TPSD1: variants seen among roughly 807,000 people sequenced by gnomAD.
The protein encoded by TPSD1 is tryptase delta.
Under a neutral mutation model 25.4 loss-of-function variants are expected in TPSD1, and 30 were observed. That is an observed-to-expected ratio of 1.18 (90% CI 0.88 to 1.60). TPSD1 has a LOEUF of 1.60. Ranked by LOEUF, TPSD1 falls within the 40% of genes most tolerant of loss-of-function variation. TPSD1 has a pLI of 0.00. For synonymous variants in TPSD1, 176 were observed against 149.4 expected, an observed-to-expected ratio of 1.18 and a Z score of -1.30; for missense variants, 420 against 324.2, an observed-to-expected ratio of 1.30 and a Z score of -2.27.
In TPSD1 at chr16:1,256,289, C is replaced by T; in HGVS notation, c.9C>T (p.Leu3=). 6.2e-7 allele frequency: 1 copy of T among 1,613,636 alleles called. No homozygotes were observed. Among genetic ancestry groups the T allele is most frequent in the Non-Finnish European group, 8.5e-7 (1 of 1,179,758 alleles). The change falls in exon 1 of 5, where the codon CTC becomes CTT. Residue 3 remains leucine, a synonymous_variant. Coordinates refer to ENST00000211076, the MANE Select transcript of TPSD1 (RefSeq NM_012217.3). The part of the protein sequence containing the change: ML[L]LAPQMLSLLL... ...GCCCGGCCAGGCCCACGATGCTCCT[C>T]CTTGCTCCCCAGATGCTGAGCCTGC...
chr16:1,257,217 T>C (rs1596500967), intron 3 of TPSD1, 155 bp downstream of exon 3: 3 of 1,106,264 alleles, frequency 2.7e-6, no homozygotes, highest in African/African-American at 3.1e-5. Flanking sequence ...AGGCAGCAGG[T>C]GCCCTGAGCA....
intron 3 of TPSD1, chr16:1,257,394 GGAGA>G (rs1199306214): frequency 4.7e-6 from 2 of 427,426 alleles, no homozygotes; most frequent in East Asian, 8.3e-5. Context: ...CTTGCTGGAA[GGAGA>G]GAGACCGGTG....
rs1158257856 is a variant in TPSD1 at position 1,258,098 on chromosome 16, T to C, written c.560T>C (p.Val187Ala). 2 of 1,600,962 alleles carry C rather than the reference T, an allele frequency of 1.2e-6. No individual in the cohort carries two copies. The highest frequency in any genetic ancestry group is 1.7e-5 in the Admixed American group (1 of 58,198). Reference sequence around the variant, plus strand: ...CCATACCCGCTGAAGGAGGTGGAAGTCCCCGTAGTGGAAAACCACCTTTGC... The same window carrying C: ...CCATACCCGCTGAAGGAGGTGGAAGCCCCCGTAGTGGAAAACCACCTTTGC... ...PPPYPLKEVE[V>A]PVVENHLCNA... Residue 187 changes from valine (V) to alanine (A), a missense_variant, in exon 4 of 5, where the codon GTC (valine) becomes GCC (alanine). Physicochemically the swap from Val to Ala is moderately conservative, Grantham distance 64. Transcript: ENST00000211076.
At chr16:1,256,449 C>A (rs1327430025) in intron 1 of TPSD1, 67 bp from the exon 2 acceptor site, 1 of 1,609,002 alleles carries the variant, frequency 6.2e-7, no homozygotes, top group African/African-American at 1.3e-5. Context: ...GGGCTGGCCC[C>A]CACACAGGGA....
chr16:1,257,087 C>G, intron 3 of TPSD1, 25 bp downstream of exon 3: 3 of 1,572,722 alleles, frequency 1.9e-6, no homozygotes, highest in Non-Finnish European at 2.6e-6. Flanking sequence ...CAGCGGGAGG[C>G]CGGGCCAGGT....
At position 1,256,334 on chromosome 16, in the gene TPSD1, C is replaced by T; in HGVS notation, c.54C>T (p.Val18=). 3 of 1,613,414 alleles carry T rather than the reference C, an allele frequency of 1.9e-6. No homozygotes were observed. Among genetic ancestry groups the T allele is most frequent in the Middle Eastern group, 1.7e-4 (1 of 5,968 alleles). Residue 18 remains valine (V), a synonymous_variant, in exon 1 of 5, where the codon GTC becomes GTT. Coordinates refer to ENST00000211076, the MANE Select transcript of TPSD1 (RefSeq NM_012217.3). ...MLSLLLLALP[V]LASPAYVAPA... The stretch of plus-strand genomic sequence containing the variant: ...GCCTGCTGCTGCTGGCGCTGCCCGT[C>T]CTGGCGAGCCCGGCCTACGTGGCCC...
At position 1,258,331 on chromosome 16, in the gene TPSD1, G is replaced by A. The variant is rs1238677469; in HGVS notation, c.685-1G>A. 1 of 1,605,240 alleles carries A rather than the reference G, an allele frequency of 6.2e-7. No individual in the cohort carries two copies. The highest frequency in any genetic ancestry group is 1.7e-5 in the Admixed American group (1 of 59,586). ...CGAGCACTGACCTCTGACCTTCCCAGGGTGACTCTGGAGGGCCCCTGGTCT... is the reference window on the plus strand; with the variant it reads ...CGAGCACTGACCTCTGACCTTCCCAAGGTGACTCTGGAGGGCCCCTGGTCT... On this transcript the variant is annotated splice_acceptor_variant, in intron 4 of 4. Coordinates refer to ENST00000211076, the MANE Select transcript of TPSD1 (RefSeq NM_012217.3). LOFTEE classifies it high-confidence loss of function.
At chr16:1,256,720 G>C (rs370883736) in intron 2 of TPSD1, 33 bp downstream of exon 2, 2 of 1,611,546 alleles carry the variant, frequency 1.2e-6, no homozygotes, top group African/African-American at 2.7e-5. Flanking sequence ...GGGTGGGCAA[G>C]GGCTGGATGT....
At position 1,256,900 on chromosome 16, in the gene TPSD1, T is replaced by C; in HGVS notation, c.358T>C (p.Phe120Leu). 6.2e-7 allele frequency: 1 copy of C among 1,613,940 alleles called. No homozygotes were observed. Among genetic ancestry groups the C allele is most frequent in the Non-Finnish European group, 8.5e-7 (1 of 1,180,030 alleles). The change falls in exon 3 of 5, where the codon TTC (phenylalanine) becomes CTC (leucine). Residue 120 changes from phenylalanine to leucine, a missense_variant. Transcript: ENST00000211076. ...PVSRIIVHPQ[F>L]YIIQTGADIA... ...CAGCAGGATCATCGTGCACCCACAG[T>C]TCTACATCATCCAGACCGGGGCGGA...
intron 2 of TPSD1, 23 bp from the exon 3 acceptor site, chr16:1,256,774 G>C (rs1253795792): frequency 3.1e-6 from 5 of 1,612,040 alleles, no homozygotes; most frequent in Middle Eastern, 2.0e-4. Context: ...CCAGGGCCCT[G>C]AGTGGGATCC....
intron 2 of TPSD1, 47 bp from the exon 3 acceptor site, chr16:1,256,750 C>T (rs764789559): frequency 4.3e-6 from 7 of 1,612,014 alleles, no homozygotes; most frequent in Non-Finnish European, 5.9e-6. Flanking sequence ...CTCCCGGGTG[C>T]TCCTGGGGGC....
At position 1,257,032 on chromosome 16, in the gene TPSD1, G is replaced by T. The variant is rs779353467; in HGVS notation, c.490G>T (p.Val164Phe). Residue 164 changes from valine (V) to phenylalanine (F), a missense_variant, in exon 3 of 5, where the codon GTC becomes TTC. Coordinates refer to ENST00000211076, the MANE Select transcript of TPSD1 (RefSeq NM_012217.3). ...ETFPPGMPCW[V>F]TGWGDVDNNV... Reference sequence around the variant, plus strand: ...CTTCCCCCCGGGGATGCCGTGCTGGGTCACTGGCTGGGGCGACGTGGACAA... The same window carrying T: ...CTTCCCCCCGGGGATGCCGTGCTGGTTCACTGGCTGGGGCGACGTGGACAA... 9.3e-6 allele frequency: 15 copies of T among 1,612,654 alleles called. No homozygotes were observed. In the East Asian group the frequency reaches 3.3e-4, roughly 36 times the overall value.
In TPSD1 at chr16:1,256,922, C is replaced by A. The variant is rs143993373; in HGVS notation, c.380C>A (p.Ala127Glu). The change falls in exon 3 of 5, where the codon GCG becomes GAG. Residue 127 changes from alanine to glutamate, a missense_variant. By Grantham distance (107) the Ala-to-Glu change is moderately radical. Coordinates refer to ENST00000211076, the MANE Select transcript of TPSD1 (RefSeq NM_012217.3). The part of the protein sequence containing the change: ...HPQFYIIQTG[A>E]DIALLELEEP... ...CAGTTCTACATCATCCAGACCGGGG[C>A]GGACATCGCCCTGCTGGAGCTGGAG... is the stretch of plus-strand genomic sequence containing the variant. 6.2e-7 allele frequency: 1 copy of A among 1,612,292 alleles called. No individual in the cohort carries two copies.
At chr16:1,257,197 C>T (rs1382486473) in intron 3 of TPSD1, 135 bp downstream of exon 3, 6 of 1,280,292 alleles carry the variant, frequency 4.7e-6, no homozygotes, top group South Asian at 4.5e-5. Flanking sequence ...ATGGAGCAGG[C>T]GGTGGCGAGA....
chr16:1,256,770 C>A (rs763647279), intron 2 of TPSD1, 27 bp from the exon 3 acceptor site: 1 of 1,612,126 alleles, frequency 6.2e-7, no homozygotes, highest in Non-Finnish European at 8.5e-7. Flanking sequence ...CTGCCCAGGG[C>A]CCTGAGTGGG....
rs1173371027 is a variant in TPSD1 at position 1,256,510 on chromosome 16, C to T, written c.83-6C>T. ...CTTCTTGGTCCTGACCTGGCACCTG[C>T]CCCAGCCCCAGGCCAGGCCCTGCAG... On this transcript the variant is annotated splice_polypyrimidine_tract_variant and splice_region_variant and intron_variant, in intron 1 of 4. Coordinates refer to ENST00000211076, the MANE Select transcript of TPSD1 (RefSeq NM_012217.3). The T allele has an allele frequency of 1.1e-5, 17 of 1,607,300 alleles. No individual in the cohort carries two copies. The highest frequency in any genetic ancestry group is 1.4e-5 in the Non-Finnish European group (16 of 1,177,824).
Position 1,258,380 on chromosome 16 carries a change from C to T in TPSD1, c.*4C>T. The T allele has an allele frequency of 1.2e-6, 2 of 1,610,882 alleles. No individual in the cohort carries two copies. Among genetic ancestry groups the T allele is most frequent in the Non-Finnish European group, 1.7e-6 (2 of 1,179,900 alleles). Reference sequence around the variant, plus strand: ...CTGCAAGGTGAATGGCACCTAACTGCAGGCGGGCGTGGTCAGCTGGGAGGA... The same window carrying T: ...CTGCAAGGTGAATGGCACCTAACTGTAGGCGGGCGTGGTCAGCTGGGAGGA... On this transcript the variant is annotated 3_prime_UTR_variant, in exon 5 of 5. Transcript: ENST00000211076.
In TPSD1 at chr16:1,256,623, C is replaced by A. The variant is rs200540687; in HGVS notation, c.190C>A (p.His64Asn). 63 of 1,613,044 alleles carry A rather than the reference C, an allele frequency of 3.9e-5. No homozygotes were observed. The Admixed American group carries it at 5.2e-4, about 13-fold the overall frequency. The part of the protein sequence containing the change: ...SLRVRGPYWM[H>N]FCGGSLIHPQ... Reference sequence around the variant, plus strand: ...GAGAGTCCGCGGCCCATACTGGATGCACTTCTGCGGGGGCTCCCTCATCCA... The same window carrying A: ...GAGAGTCCGCGGCCCATACTGGATGAACTTCTGCGGGGGCTCCCTCATCCA... Residue 64 changes from histidine (H) to asparagine (N), a missense_variant, in exon 2 of 5, where the codon CAC becomes AAC. Transcript: ENST00000211076.
Position 1,256,828 on chromosome 16 carries a change from C to A in TPSD1, c.286C>A (p.Gln96Lys). 1 of 1,612,810 alleles carries A rather than the reference C, an allele frequency of 6.2e-7. No individual in the cohort carries two copies. The highest frequency in any genetic ancestry group is 8.5e-7 in the Non-Finnish European group (1 of 1,179,944). The part of the protein sequence containing the change: ...DIKDLAALRV[Q>K]LREQHLYYQD... ...CAAGGATCTGGCCGCCCTCAGGGTGCAACTGCGGGAGCAGCACCTCTACTA... is the reference window on the plus strand; with the variant it reads ...CAAGGATCTGGCCGCCCTCAGGGTGAAACTGCGGGAGCAGCACCTCTACTA... Residue 96 changes from glutamine (Q) to lysine (K), a missense_variant, in exon 3 of 5, where the codon CAA becomes AAA. Transcript: ENST00000211076.
Sources: gnomAD v4.1 joint callset for allele counts on GRCh38, gnomAD v4.1.1 for gene constraint, MANE v1.5 for transcripts, NCBI Gene and HGNC (gene_info 2026-07-23, HGNC 2026-07-21) for gene names.